The following DNASE1 variants were observed in gnomAD, a reference collection of about 807,000 sequenced individuals.
The protein encoded by DNASE1 is deoxyribonuclease 1.
DNASE1 carries 40 observed loss-of-function variants against 33.9 expected under a neutral mutation model. The ratio of observed to expected loss-of-function variants is 1.18; its 90% CI spans 0.92 to 1.54. The LOEUF (loss-of-function observed/expected upper bound fraction) is 1.54. Ranked by LOEUF, DNASE1 falls within the 40% of genes most tolerant of loss-of-function variation. The pLI, the probability that DNASE1 is intolerant of heterozygous loss-of-function variation, is 0.00. For synonymous variants in DNASE1, 216 were observed against 160.0 expected, an observed-to-expected ratio of 1.35 and a Z score of -2.64; for missense variants, 518 against 372.6, an observed-to-expected ratio of 1.39 and a Z score of -3.21.
upstream of DNASE1, chr16:3,653,833 A>C (rs977787908): frequency 6.1e-5 from 9 of 147,996 alleles, no homozygotes; most frequent in African/African-American, 7.5e-5. Flanking sequence ...AAAAAAAAAA[A>C]AAAAAAAACT....
intron 1 of DNASE1, among the ~76,000 whole-genome samples, chr16:3,613,701 G>A (rs2040990806): frequency 6.6e-6 from 1 of 152,158 alleles, no homozygotes; most frequent in African/African-American, 2.4e-5. Flanking sequence ...AGGAGACTGA[G>A]TGACGACATG....
At chr16:3,662,270 T>C, downstream of DNASE1, 1 of 1,012,980 alleles carries the variant, frequency 9.9e-7, no homozygotes, top group Non-Finnish European at 1.4e-6. Flanking sequence ...CCAGCGCTGC[T>C]CCCTCCCCAT....
exon 10 of DNASE1, chr16:3,664,563 C>T: frequency 7.9e-7 from 1 of 1,271,014 alleles, no homozygotes. Context: ...TCCTGGCACT[C>T]CAGGCTGGCC....
chr16:3,624,700 T>C (rs538984839), intron 1 of DNASE1, among the ~76,000 whole-genome samples: 1 of 152,260 alleles, frequency 6.6e-6, no homozygotes, highest in Admixed American at 6.5e-5. Flanking sequence ...TTTTTTGAGA[T>C]GGAGTCTTAC....
chr16:3,640,866 C>T, upstream of DNASE1: 1 of 398,642 alleles, frequency 2.5e-6, no homozygotes, highest in Non-Finnish European at 4.4e-6. Flanking sequence ...ATCAGCACCT[C>T]CTCATGGGCT....
At chr16:3,648,312 C>T (rs2042232898) in intron 1 of DNASE1, among the ~76,000 whole-genome samples, 1 of 152,014 alleles carries the variant, frequency 6.6e-6, no homozygotes. Context: ...CCTGTAATCC[C>T]AGCACTTTGG....
chr16:3,629,818 G>T (rs1223805290), intron 1 of DNASE1, among the ~76,000 whole-genome samples: 1 of 151,256 alleles, frequency 6.6e-6, no homozygotes, highest in African/African-American at 2.5e-5. Context: ...TTTTTAATTT[G>T]TTTTTTTGTT....
At chr16:3,619,294 C>T (rs1257767480) in intron 1 of DNASE1, among the ~76,000 whole-genome samples, 1 of 152,156 alleles carries the variant, frequency 6.6e-6, no homozygotes, top group Non-Finnish European at 1.5e-5. Flanking sequence ...CCTTGGCCTC[C>T]CAAAGTGCTG....
intron 1 of DNASE1, among the ~76,000 whole-genome samples, chr16:3,629,125 T>C (rs1053819562): frequency 3.0e-4 from 44 of 146,410 alleles, no homozygotes; most frequent in Non-Finnish European, 7.4e-5. Context: ...TGAGCCGAGA[T>C]TGCGCCACTG....
downstream of DNASE1, chr16:3,661,570 G>A (rs114275731): frequency 9.3e-3 from 1,529 of 164,072 alleles, 8 homozygotes; most frequent in Middle Eastern, 0.025. Flanking sequence ...TTTCTGCAGC[G>A]GACATTATTC....
At chr16:3,630,473 T>G in intron 1 of DNASE1, among the ~76,000 whole-genome samples, 1 of 152,198 alleles carries the variant, frequency 6.6e-6, no homozygotes, top group Non-Finnish European at 1.5e-5. Context: ...GAGCCACTGT[T>G]TCTGGCTATT....
chr16:3,631,108 C>T (rs933316210), intron 1 of DNASE1, among the ~76,000 whole-genome samples: 3 of 150,674 alleles, frequency 2.0e-5, no homozygotes, highest in African/African-American at 4.9e-5. Context: ...CTGCAACCTC[C>T]GCCTCCTGAG....
At chr16:3,656,559 G>T in intron 4 of DNASE1, 79 bp from the exon 5 acceptor site, 1 of 1,279,252 alleles carries the variant, frequency 7.8e-7, no homozygotes, top group Non-Finnish European at 1.1e-6. Context: ...CGCCTGGGAC[G>T]CGACGCCTGC....
intron 1 of DNASE1, among the ~76,000 whole-genome samples, chr16:3,617,558 T>C (rs2041153524): frequency 1.3e-5 from 2 of 152,128 alleles, no homozygotes; most frequent in South Asian, 4.1e-4. Flanking sequence ...TAAGAATCTA[T>C]GCTGCTGTCT....
chr16:3,636,195 C>G (rs1567195300), intron 1 of DNASE1, among the ~76,000 whole-genome samples: 1 of 151,980 alleles, frequency 6.6e-6, no homozygotes. Context: ...TTGATTCTTT[C>G]CTTTGACTGT....
intron 1 of DNASE1, among the ~76,000 whole-genome samples, chr16:3,620,683 T>C (rs1450271306): frequency 1.3e-5 from 2 of 152,188 alleles, no homozygotes; most frequent in Non-Finnish European, 2.9e-5. Context: ...TAAATGTCTT[T>C]GTACTTATAA....
chr16:3,645,184 C>G (rs2042136915), intron 1 of DNASE1, among the ~76,000 whole-genome samples: 1 of 152,146 alleles, frequency 6.6e-6, no homozygotes, highest in Non-Finnish European at 1.5e-5. Flanking sequence ...ACTACCACCA[C>G]AACCAGCCCA....
At chr16:3,638,087 G>A (rs1050619395), upstream of DNASE1, among the ~76,000 whole-genome samples, 1 of 147,354 alleles carries the variant, frequency 6.8e-6, no homozygotes, top group African/African-American at 2.6e-5. Context: ...AATAATTCCA[G>A]TTGACCAGTT....
At chr16:3,634,978 C>T (rs1179633218) in intron 1 of DNASE1, among the ~76,000 whole-genome samples, 2 of 151,954 alleles carry the variant, frequency 1.3e-5, no homozygotes, top group East Asian at 3.9e-4. Flanking sequence ...CCTGGTGGTC[C>T]TTAAGGAGGG....
Sources: gnomAD v4.1 joint callset for allele counts (sites outside exome capture counted in the v4.1 genomes callset) on GRCh38, gnomAD v4.1.1 for gene constraint, MANE v1.5 for transcripts, NCBI Gene and HGNC (gene_info 2026-07-23, HGNC 2026-07-21) for gene names.